The following ABCC12 variants were observed in gnomAD, a reference collection of about 807,000 sequenced individuals.
The protein encoded by ABCC12 is ATP binding cassette subfamily C member 12.
ABCC12 carries 142 observed loss-of-function variants against 151.1 expected under a neutral mutation model. That is an observed-to-expected ratio of 0.94 (90% confidence interval 0.82 to 1.08). ABCC12 has a LOEUF of 1.08. ABCC12 is among the 50% of genes least tolerant of loss of function. The pLI is 0.00. For synonymous variants in ABCC12, 645 were observed against 646.4 expected, an observed-to-expected ratio of 1.00 and a Z score of 0.03; for missense variants, 1,638 against 1,691.1, an observed-to-expected ratio of 0.97 and a Z score of 0.55.
intron 12 of ABCC12, among the ~76,000 whole-genome samples, chr16:48,122,505 G>A (rs1255832468): frequency 6.6e-6 from 1 of 152,148 alleles, no homozygotes; most frequent in Non-Finnish European, 1.5e-5. Flanking sequence ...CCTCATCGTG[G>A]GCATCCAATA....
chr16:48,111,751 CCACACCT>C lies in ABCC12; in HGVS notation c.2124+18_2124+24del, dbSNP rs1329321411. The C allele has an allele frequency of 6.2e-7, 1 of 1,614,040 alleles. No individual in the cohort carries two copies. Among genetic ancestry groups the C allele is most frequent in the Admixed American group, 1.7e-5 (1 of 60,002 alleles). On this transcript the variant is annotated intron_variant, in intron 16 of 30. Coordinates refer to ENST00000311303, the MANE Select transcript of ABCC12 (RefSeq NM_001393797.1). ...CTGAGGGATTCCGCCCCAATTGTTC[CCACACCT>C]GCCCAGGTGTGAGTTACCTTGAACT...
chr16:48,128,460 T>C lies in ABCC12; in HGVS notation c.1514A>G (p.Lys505Arg), dbSNP rs1964311718. 6.2e-7 allele frequency: 1 copy of C among 1,613,534 alleles called. No homozygotes were observed. Among genetic ancestry groups the C allele is most frequent in the South Asian group, 1.1e-5 (1 of 91,054 alleles). The change falls in exon 11 of 31, where the codon AAG (lysine) becomes AGG (arginine). Residue 505 changes from lysine to arginine, a missense_variant and splice_region_variant. By Grantham distance (26) the Lys-to-Arg change is conservative (BLOSUM62 2). Coordinates refer to ENST00000311303, the MANE Select transcript of ABCC12 (RefSeq NM_001393797.1). The stretch of plus-strand genomic sequence containing the variant: ...CACACCTGTGCAACACACACCCACC[T>C]TTCTCACCACAAAGCTTATGCTGTG... ...VLHSISFVVR[K>R]GKILGICGNV...
intron 18 of ABCC12, among the ~76,000 whole-genome samples, chr16:48,110,558 G>T (rs935689945): frequency 1.3e-5 from 2 of 152,112 alleles, no homozygotes; most frequent in Non-Finnish European, 2.9e-5. Context: ...AAGGCAGGGT[G>T]TCTATGGAGG....
intron 23 of ABCC12, among the ~76,000 whole-genome samples, chr16:48,100,120 C>T (rs1476620404): frequency 6.6e-6 from 1 of 152,072 alleles, no homozygotes; most frequent in African/African-American, 2.4e-5. Flanking sequence ...CCACCACACC[C>T]AGCTAATTTT....
chr16:48,134,762 C>T (rs1156732625), intron 8 of ABCC12, among the ~76,000 whole-genome samples: 1 of 152,138 alleles, frequency 6.6e-6, no homozygotes, highest in Non-Finnish European at 1.5e-5. Context: ...TTTAAGATAT[C>T]CCACCCTCAG....
In ABCC12 at chr16:48,115,472, C is replaced by G; in HGVS notation, c.1932G>C (p.Glu644Asp). The stretch of plus-strand genomic sequence containing the variant: ...TTCCCCTGAGCGTCTTCTTAATGCA[C>G]TCCTCAAAGACGTGCTTCCCCACGT... Reference protein sequence around the residue: ...DAHVGKHVFEECIKKTLRGKT... With the variant: ...DAHVGKHVFEDCIKKTLRGKT... The change falls in exon 15 of 31, where the codon GAG (glutamate) becomes GAC (aspartate). Residue 644 changes from glutamate to aspartate, a missense_variant. Glu to Asp is a conservative substitution (Grantham distance 45). Transcript: ENST00000311303. 3 of 1,614,226 alleles carry G rather than the reference C, an allele frequency of 1.9e-6. No individual in the cohort carries two copies. The highest frequency in any genetic ancestry group is 2.5e-6 in the Non-Finnish European group (3 of 1,180,034).
At chr16:48,101,504 G>T (rs1179338427) in intron 22 of ABCC12, among the ~76,000 whole-genome samples, 2 of 152,058 alleles carry the variant, frequency 1.3e-5, no homozygotes, top group Non-Finnish European at 2.9e-5. Flanking sequence ...ACGGGATGCA[G>T]CTCCCCTTTA....
chr16:48,130,786 A>G lies in ABCC12; in HGVS notation c.1236+2T>C, dbSNP rs746792798. 2.5e-6 allele frequency: 4 copies of G among 1,602,642 alleles called. No individual in the cohort carries two copies. The Admixed American group carries it at 6.7e-5, about 27-fold the overall frequency. ...TCCCTACTCACCCAGGGTTAGTTAT[A>G]CCTTCATTCTCCTTAGAGAGACATT... On this transcript the variant is annotated splice_donor_variant, in intron 10 of 30. Transcript: ENST00000311303. LOFTEE classifies it high-confidence loss of function.
intron 4 of ABCC12, among the ~76,000 whole-genome samples, chr16:48,143,553 C>T (rs1596631191): frequency 6.6e-6 from 1 of 152,302 alleles, no homozygotes; most frequent in East Asian, 1.9e-4. Flanking sequence ...GTGTCCCCAC[C>T]CAAATCTCAT....
intron 18 of ABCC12, among the ~76,000 whole-genome samples, chr16:48,109,011 A>G (rs765908990): frequency 2.0e-5 from 3 of 152,122 alleles, no homozygotes; most frequent in Non-Finnish European, 2.9e-5. Flanking sequence ...ATTTTTCTGT[A>G]CTGATTCCTA....
At chr16:48,139,089 C>G (rs773037815) in intron 7 of ABCC12, 74 bp downstream of exon 7, 28 of 1,473,774 alleles carry the variant, frequency 1.9e-5, no homozygotes, top group Admixed American at 2.4e-5. Flanking sequence ...AGAAATGCAG[C>G]CTTCCACCCA....
chr16:48,111,815 A>C lies in ABCC12; in HGVS notation c.2085T>G (p.Tyr695Ter). The C allele has an allele frequency of 6.2e-7, 1 of 1,614,182 alleles. No homozygotes were observed. The highest frequency in any genetic ancestry group is 1.7e-5 in the Admixed American group (1 of 60,028). The change falls in exon 16 of 31, where the codon TAT becomes TAG. Residue 695 changes from tyrosine (Y) to a stop codon, truncating the protein, a stop_gained. Transcript: ENST00000311303. LOFTEE classifies it high-confidence loss of function. ...HKELMEERGR[Y>*]AKLIHNLRGL... ...CTCGCAGGTTGTGAATCAGTTTTGC[A>C]TAGCGCCCTCTCTCCTCCATTAACT...
In ABCC12 at chr16:48,139,329, T is replaced by C. The variant is rs1427608738; in HGVS notation, c.665A>G (p.Asn222Ser). The part of the protein sequence containing the change: ...LTHISVGEVL[N>S]ILSSDSYSLF... The stretch of plus-strand genomic sequence containing the variant: ...AGAATAGCTATCACTTGACAGTATA[T>C]TGAGCACCTGGAAAGAAAAGCGCAA... Residue 222 changes from asparagine (N) to serine (S), a missense_variant, in exon 7 of 31, where the codon AAT becomes AGT. Physicochemically the swap from Asn to Ser is conservative, Grantham distance 46 (BLOSUM62 1). Transcript: ENST00000311303. 1 of 1,602,056 alleles carries C rather than the reference T, an allele frequency of 6.2e-7. No homozygotes were observed. The highest frequency in any genetic ancestry group is 2.2e-5 in the East Asian group (1 of 44,806).
Position 48,083,950 on chromosome 16 carries a change from CTGT to C in ABCC12, c.3949_3951del (p.Thr1317del). Reference sequence around the variant, plus strand: ...ACCAGGACGTGATCGCAGTTGAGAACTGTGTTGAGGCGGTGGGCGATGGTCAGC... The same window carrying C: ...ACCAGGACGTGATCGCAGTTGAGAACGTTGAGGCGGTGGGCGATGGTCAGC... On this transcript the variant is annotated inframe_deletion, in exon 30 of 31. Transcript: ENST00000311303. 6.2e-7 allele frequency: 1 copy of C among 1,612,964 alleles called. No individual in the cohort carries two copies. Among genetic ancestry groups the C allele is most frequent in the Non-Finnish European group, 8.5e-7 (1 of 1,179,768 alleles).
intron 15 of ABCC12, 82 bp from the exon 16 acceptor site, chr16:48,111,992 C>T (rs2150618999): frequency 6.6e-7 from 1 of 1,521,996 alleles, no homozygotes; most frequent in Non-Finnish European, 8.9e-7. Context: ...TTAGTTACCA[C>T]TGTTGACTTT....
chr16:48,108,216 A>G lies in ABCC12; in HGVS notation c.2371+224T>C, dbSNP rs539722212. 3.6e-4 allele frequency among the ~76,000 whole-genome samples: 55 copies of G among 152,328 alleles called. 1 individual carries two copies. Among genetic ancestry groups the G allele is most frequent in the Admixed American group, 6.5e-4 (10 of 15,296 alleles). Reference sequence around the variant, plus strand: ...ATGCTGCTGCTCACTCCACTCCAATAAAAGAGAGTCTGGCAGCTTTAATGG... The same window carrying G: ...ATGCTGCTGCTCACTCCACTCCAATGAAAGAGAGTCTGGCAGCTTTAATGG... On this transcript the variant is annotated intron_variant, in intron 19 of 30. Transcript: ENST00000311303.
At chr16:48,095,226 C>T (rs902518675) in intron 24 of ABCC12, among the ~76,000 whole-genome samples, 12 of 152,124 alleles carry the variant, frequency 7.9e-5, no homozygotes, top group African/African-American at 2.7e-4. Context: ...ATAAGTCTCA[C>T]GAGAGCTGAT....
intron 13 of ABCC12, among the ~76,000 whole-genome samples, chr16:48,118,877 T>C (rs1177109295): frequency 6.6e-6 from 1 of 152,188 alleles, no homozygotes; most frequent in Non-Finnish European, 1.5e-5. Context: ...CTCTATAAAA[T>C]TGTGCAAACA....
Position 48,104,245 on chromosome 16 carries a change from G to A in ABCC12, c.2797C>T (p.Gln933Ter), listed in dbSNP as rs377636062. ...AGAATAAACACCACCATAAAAAACTGCTGCAGAAAGTTCTCTGCGTGAAAC... is the reference window on the plus strand; with the variant it reads ...AGAATAAACACCACCATAAAAAACTACTGCAGAAAGTTCTCTGCGTGAAAC... ...LPFHAENFLQ[Q>*]FFMVVFILVI... is the part of the protein sequence containing the mutation. Residue 933 changes from glutamine to a stop codon, truncating the protein, a stop_gained, in exon 22 of 31, where the codon CAG becomes TAG. Transcript: ENST00000311303. LOFTEE classifies it high-confidence loss of function. 5.6e-6 allele frequency: 9 copies of A among 1,614,226 alleles called. No homozygotes were observed. The highest frequency in any genetic ancestry group is 7.6e-6 in the Non-Finnish European group (9 of 1,180,044).
Sources: allele counts gnomAD v4.1 joint callset (sites outside exome capture counted in the v4.1 genomes callset), GRCh38; gene constraint gnomAD v4.1.1; transcripts MANE v1.5; gene names NCBI Gene and HGNC (gene_info 2026-07-23, HGNC 2026-07-21).